Variants in AKT3 observed in about 807,000 individuals in gnomAD.
AKT3 encodes AKT serine/threonine kinase 3.
Under a neutral mutation model 65.3 loss-of-function variants are expected in AKT3, and 15 were observed. That is an observed-to-expected ratio of 0.23 (90% CI 0.15 to 0.35). AKT3 has a LOEUF of 0.35. AKT3 is among the 10% of genes least tolerant of loss of function. The pLI is 1.00. For synonymous variants in AKT3, 206 were observed against 183.8 expected (o/e 1.12, Z -0.98); for missense variants, 243 against 576.5 (o/e 0.42, Z 5.92).
At chr1:243,795,449 G>GTTTTGTTTTTTTTT (rs1691898953) in intron 2 of AKT3, among the ~76,000 whole-genome samples, 3 of 93,506 alleles carry the variant, frequency 3.2e-5, no homozygotes, top group African/African-American at 1.5e-4. Flanking sequence ...TGATCTCCTT[G>GTTTTGTTTTTTTTT]TTTTTTTTTT....
At position 243,529,294 on chromosome 1, in the gene AKT3, C is replaced by G. The variant is rs553757656; in HGVS notation, c.1251+16216G>C. Reference sequence around the variant, plus strand: ...GATAGTCTCTTTTGCTGTGCAGAAGCTCTTTAATTAGGTCAAGTTTTGTTT... The same window carrying G: ...GATAGTCTCTTTTGCTGTGCAGAAGGTCTTTAATTAGGTCAAGTTTTGTTT... On this transcript the variant is annotated intron_variant, in intron 12 of 13. Transcript: ENST00000673466. 5.3e-5 allele frequency among the ~76,000 whole-genome samples: 8 copies of G among 152,110 alleles called. No individual in the cohort carries two copies. The East Asian group carries it at 1.4e-3, about 26-fold the overall frequency.
At chr1:243,834,519 C>G (rs1032191756) in intron 2 of AKT3, among the ~76,000 whole-genome samples, 3 of 152,034 alleles carry the variant, frequency 2.0e-5, no homozygotes, top group Non-Finnish European at 4.4e-5. Context: ...TTTGTGTACA[C>G]ATTGAGTACA....
intron 2 of AKT3, among the ~76,000 whole-genome samples, chr1:243,791,905 A>G (rs1458144598): frequency 6.6e-6 from 1 of 152,254 alleles, no homozygotes. Context: ...TTAAAAAACA[A>G]AACTAGTAAA....
intron 11 of AKT3, among the ~76,000 whole-genome samples, chr1:243,550,092 C>T (rs1672943285): frequency 6.6e-6 from 1 of 152,178 alleles, no homozygotes; most frequent in South Asian, 2.1e-4. Flanking sequence ...TCAAGTCCCC[C>T]AATCCCCTAG....
At chr1:243,647,872 T>C (rs1160119482) in intron 4 of AKT3, among the ~76,000 whole-genome samples, 1 of 152,074 alleles carries the variant, frequency 6.6e-6, no homozygotes, top group Non-Finnish European at 1.5e-5. Context: ...ATTATGTAAG[T>C]TGTAGATCTT....
At chr1:243,615,941 T>C (rs965438475) in intron 6 of AKT3, among the ~76,000 whole-genome samples, 2 of 151,964 alleles carry the variant, frequency 1.3e-5, no homozygotes, top group Non-Finnish European at 2.9e-5. Flanking sequence ...GGTCTTGCTA[T>C]GTTGCCCAGG....
intron 2 of AKT3, chr1:243,788,816 T>A (rs567574484): frequency 6.6e-6 from 1 of 152,488 alleles, no homozygotes; most frequent in East Asian, 1.9e-4. Context: ...TTAGAGTGGC[T>A]GTGGCAATTT....
At chr1:243,813,694 AGTTGT>A (rs1693331872) in intron 2 of AKT3, among the ~76,000 whole-genome samples, 1 of 152,302 alleles carries the variant, frequency 6.6e-6, no homozygotes, top group Middle Eastern at 3.4e-3. Context: ...GATTTTTCTT[AGTTGT>A]GTTAATGATA....
intron 5 of AKT3, among the ~76,000 whole-genome samples, chr1:243,642,676 C>G (rs1452800395): frequency 6.6e-6 from 1 of 152,088 alleles, no homozygotes; most frequent in African/African-American, 2.4e-5. Flanking sequence ...CCTCCAAAGC[C>G]TGATCTTAAG....
At chr1:243,649,776 G>T (rs1681161960) in intron 4 of AKT3, among the ~76,000 whole-genome samples, 1 of 152,110 alleles carries the variant, frequency 6.6e-6, no homozygotes, top group South Asian at 2.1e-4. Context: ...GTATTCCATG[G>T]TGTATATGTA....
At chr1:243,661,575 A>C (rs1462627094) in intron 4 of AKT3, among the ~76,000 whole-genome samples, 1 of 151,294 alleles carries the variant, frequency 6.6e-6, no homozygotes, top group Non-Finnish European at 1.5e-5. Flanking sequence ...TAAAGACTTA[A>C]ACGTTAGACC....
At chr1:243,804,764 G>A (rs766019959) in intron 2 of AKT3, among the ~76,000 whole-genome samples, 21 of 151,574 alleles carry the variant, frequency 1.4e-4, no homozygotes, top group Non-Finnish European at 2.4e-4. Flanking sequence ...GGAGAACGGC[G>A]TGAACCTGGG....
At chr1:243,770,463 TTTTTTC>T (rs1690108368) in intron 2 of AKT3, among the ~76,000 whole-genome samples, 1 of 152,090 alleles carries the variant, frequency 6.6e-6, no homozygotes, top group Non-Finnish European at 1.5e-5. Context: ...GTATCATACT[TTTTTTC>T]AAGTAAAACT....
rs1574496696 is a variant in AKT3 at position 243,504,772 on chromosome 1, C to A, written c.*477G>T. On this transcript the variant is annotated 3_prime_UTR_variant, in exon 14 of 14. Transcript: ENST00000673466. The stretch of plus-strand genomic sequence containing the variant: ...TGTGCTTTACATATGCACGCCACCA[C>A]CCTTCCACAATTGCTTGTTCTGAAT... The A allele has an allele frequency of 5.0e-6, 1 of 198,988 alleles. No homozygotes were observed. Among genetic ancestry groups the A allele is most frequent in the East Asian group, 8.0e-5 (1 of 12,538 alleles). The allele number at this position is 198,988 out of a possible 1,614,324, so 12.3% of individuals were successfully genotyped here.
At chr1:243,554,041 T>C (rs1311858371) in intron 10 of AKT3, among the ~76,000 whole-genome samples, 1 of 152,178 alleles carries the variant, frequency 6.6e-6, no homozygotes, top group East Asian at 1.9e-4. Flanking sequence ...CCAAACTTTC[T>C]TGCTTCGAAT....
chr1:243,501,709 A>C lies in AKT3; in HGVS notation c.*3540T>G. 4.3e-6 allele frequency: 1 copy of C among 233,046 alleles called. No individual in the cohort carries two copies. The highest frequency in any genetic ancestry group is 8.5e-6 in the Non-Finnish European group (1 of 117,922). 14.4% of individuals were successfully genotyped at this position (233,046 alleles called of 1,614,324 possible). On this transcript the variant is annotated 3_prime_UTR_variant, in exon 14 of 14. Transcript: ENST00000673466. ...TTAAAAATCATGTTTTCATTAAAGA[A>C]GATTTAATTTGGGGGGATTATAGAA...
Position 243,543,567 on chromosome 1 carries a change from G to C in AKT3, c.1251+1943C>G, listed in dbSNP as rs1035162283. On this transcript the variant is annotated intron_variant, in intron 12 of 13. Transcript: ENST00000673466. ...AAAATAAAACCATGCATGATTTCTG[G>C]GAGAGACAGCAAGCCCTTCTTCCTT... Among the ~76,000 whole-genome samples the C allele has an allele frequency of 2.6e-5, 4 of 152,160 alleles. No homozygotes were observed. In the East Asian group the frequency reaches 7.7e-4, roughly 29 times the overall value.
chr1:243,729,664 G>C (rs1346067511), intron 2 of AKT3, among the ~76,000 whole-genome samples: 4 of 151,936 alleles, frequency 2.6e-5, no homozygotes, highest in African/African-American at 9.7e-5. Context: ...AATGATATGG[G>C]AAAACGTTCA....
chr1:243,770,688 G>A (rs1280774019), intron 2 of AKT3, among the ~76,000 whole-genome samples: 1 of 149,624 alleles, frequency 6.7e-6, no homozygotes, highest in East Asian at 2.0e-4. Flanking sequence ...TTTTGTGTTT[G>A]AGAGATACCT....
Sources: gnomAD v4.1 joint callset for allele counts (sites outside exome capture counted in the v4.1 genomes callset) on GRCh38, gnomAD v4.1.1 for gene constraint, MANE v1.5 for transcripts, NCBI Gene and HGNC (gene_info 2026-07-23, HGNC 2026-07-21) for gene names.